Variants in CFAP70 observed in about 807,000 individuals in gnomAD.
The protein encoded by CFAP70 is cilia- and flagella-associated protein 70.
Under a neutral mutation model 137.6 loss-of-function variants are expected in CFAP70, and 81 were observed. That is an observed-to-expected ratio of 0.59 (90% CI 0.49 to 0.71). CFAP70 has a LOEUF of 0.71. Ranked by LOEUF, CFAP70 falls within the 30% of genes least tolerant of loss-of-function variation. CFAP70 has a pLI of 0.00. For synonymous variants in CFAP70, 382 were observed against 423.6 expected (o/e 0.90, Z 1.20); for missense variants, 976 against 1,226.7 (o/e 0.80, Z 3.05).
At chr10:73,266,248 GT>G (rs916874632) in intron 25 of CFAP70, among the ~76,000 whole-genome samples, 4 of 152,098 alleles carry the variant, frequency 2.6e-5, no homozygotes, top group African/African-American at 9.7e-5. Context: ...TTATTCAAAA[GT>G]CAAAAGGATA....
chr10:73,348,767 A>G (rs2053940278), intron 3 of CFAP70, among the ~76,000 whole-genome samples: 1 of 152,176 alleles, frequency 6.6e-6, no homozygotes, highest in Non-Finnish European at 1.5e-5. Flanking sequence ...ATGCATGTGT[A>G]TAAAAGTAAC....
chr10:73,289,130 TA>T (rs2047963736), intron 19 of CFAP70, among the ~76,000 whole-genome samples: 3 of 152,188 alleles, frequency 2.0e-5, no homozygotes, highest in Admixed American at 6.6e-5. Flanking sequence ...TATTTTATAT[TA>T]AATCCAGGCT....
At chr10:73,358,908 C>G (rs1048000612), upstream of CFAP70, 1 of 152,252 alleles carries the variant, frequency 6.6e-6, no homozygotes, top group Non-Finnish European at 1.5e-5. Context: ...CTTCGAGAGC[C>G]TGCTGTTTCC....
intron 8 of CFAP70, among the ~76,000 whole-genome samples, chr10:73,323,518 G>A (rs571274230): frequency 2.6e-5 from 4 of 152,312 alleles, no homozygotes; most frequent in East Asian, 3.9e-4. Context: ...GAAGCAGGGC[G>A]AGGCACTGCC....
intron 3 of CFAP70, among the ~76,000 whole-genome samples, chr10:73,350,669 C>T (rs906505193): frequency 6.6e-6 from 1 of 151,830 alleles, no homozygotes; most frequent in Non-Finnish European, 1.5e-5. Flanking sequence ...TAAAGGCTTC[C>T]TCTCTCTGAT....
chr10:73,283,453 A>G (rs1218245580), intron 19 of CFAP70, among the ~76,000 whole-genome samples: 1 of 152,136 alleles, frequency 6.6e-6, no homozygotes, highest in Non-Finnish European at 1.5e-5. Flanking sequence ...CTAAGTATGA[A>G]TTTGTCTGCA....
chr10:73,353,489 T>A, intron 3 of CFAP70, 67 bp downstream of exon 3: 1 of 1,387,914 alleles, frequency 7.2e-7, no homozygotes, highest in Non-Finnish European at 1.0e-6. Flanking sequence ...TGGTTGTGCT[T>A]TTCCCATCCA....
chr10:73,354,287 A>T (rs1382243618), intron 2 of CFAP70, among the ~76,000 whole-genome samples: 1 of 152,204 alleles, frequency 6.6e-6, no homozygotes. Context: ...AACAAAGTGG[A>T]GCTCATTAAT....
intron 12 of CFAP70, among the ~76,000 whole-genome samples, chr10:73,308,825 AC>A (rs1346987969): frequency 7.7e-4 from 114 of 148,446 alleles, no homozygotes; most frequent in Admixed American, 2.6e-3. Context: ...AAAAAAAAAA[AC>A]CTTTAGACAA....
chr10:73,309,623 T>C (rs1564820212), intron 12 of CFAP70, among the ~76,000 whole-genome samples: 2 of 151,876 alleles, frequency 1.3e-5, no homozygotes, highest in African/African-American at 4.8e-5. Flanking sequence ...TTGGGTATTT[T>C]TATATACTTT....
chr10:73,269,585 G>A, intron 25 of CFAP70, 29 bp downstream of exon 26: 1 of 1,540,046 alleles, frequency 6.5e-7, no homozygotes. Context: ...GCCCTAAAAG[G>A]GCATTGTGTA....
chr10:73,321,937 C>T (rs887007338), intron 9 of CFAP70, among the ~76,000 whole-genome samples: 2 of 152,160 alleles, frequency 1.3e-5, no homozygotes, highest in Non-Finnish European at 2.9e-5. Context: ...ATGCCTGCCA[C>T]CACACTCGGC....
rs2054834433 is a variant in CFAP70, at chr10:73,358,421, T to C, written c.-40+293A>G. On this transcript the variant is annotated intron_variant, in intron 1 of 26. Coordinates refer to ENST00000310715, the Ensembl canonical transcript of CFAP70. ...GAAAAAGGTTAGACGAAGGAGGCGATGTGACTGAGTCTGGTCTGGGGACAA... is the reference window on the plus strand; with the variant it reads ...GAAAAAGGTTAGACGAAGGAGGCGACGTGACTGAGTCTGGTCTGGGGACAA... Among the ~76,000 whole-genome samples, 3 of 152,318 alleles carry C rather than the reference T, an allele frequency of 2.0e-5. No individual in the cohort carries two copies. The South Asian group carries it at 6.2e-4, about 32-fold the overall frequency.
intron 9 of CFAP70, among the ~76,000 whole-genome samples, chr10:73,313,619 G>A (rs1302504171): frequency 1.3e-5 from 2 of 151,690 alleles, no homozygotes; most frequent in Admixed American, 1.3e-4. Context: ...GAGGCAGGCG[G>A]ATCATTTGAG....
At chr10:73,340,850 T>G (rs1358207760) in intron 6 of CFAP70, among the ~76,000 whole-genome samples, 6 of 152,166 alleles carry the variant, frequency 3.9e-5, no homozygotes, top group Non-Finnish European at 7.4e-5. Context: ...TCCAAGCCTG[T>G]GGGGGCAGGA....
At chr10:73,355,896 G>A (rs149347295) in intron 1 of CFAP70, among the ~76,000 whole-genome samples, 1,526 of 152,290 alleles carry the variant, frequency 0.01, 17 homozygotes, top group South Asian at 0.031. Flanking sequence ...TGTCTTCCAC[G>A]AAACTGGTCC....
At chr10:73,350,733 C>T (rs1027228239) in intron 3 of CFAP70, among the ~76,000 whole-genome samples, 3 of 151,860 alleles carry the variant, frequency 2.0e-5, no homozygotes, top group African/African-American at 4.8e-5. Flanking sequence ...TTTTTACACA[C>T]ATTTTATCCA....
intron 8 of CFAP70, among the ~76,000 whole-genome samples, chr10:73,324,400 A>G (rs968783766): frequency 1.1e-4 from 16 of 152,244 alleles, no homozygotes; most frequent in African/African-American, 3.9e-4. Flanking sequence ...ACAGAGCAGA[A>G]AAACTGGAAA....
chr10:73,304,523 A>G (rs1425487159), intron 12 of CFAP70, among the ~76,000 whole-genome samples: 2 of 152,242 alleles, frequency 1.3e-5, no homozygotes, highest in Admixed American at 1.3e-4. Context: ...TTCACTACAC[A>G]ATTTACAATG....
Sources: gnomAD v4.1 joint callset for allele counts (sites outside exome capture counted in the v4.1 genomes callset) on GRCh38, gnomAD v4.1.1 for gene constraint, MANE v1.5 for transcripts, NCBI Gene and HGNC (gene_info 2026-07-23, HGNC 2026-07-21) for gene names.